Variants in CHCHD3 observed in about 807,000 individuals in gnomAD.
The protein encoded by CHCHD3 is MICOS complex subunit MIC19.
A neutral mutation model predicts 38.2 loss-of-function variants in CHCHD3; 20 were observed. That is an observed-to-expected ratio of 0.52 (90% CI 0.37 to 0.76). CHCHD3 has a LOEUF of 0.76. Among genes scored for constraint, CHCHD3 ranks in the 30% least tolerant of loss-of-function variants. The pLI is 0.00. For missense variants in CHCHD3, 245 were observed against 279.2 expected, an observed-to-expected ratio of 0.88 and a Z score of 0.87; for synonymous variants, 82 against 100.0, an observed-to-expected ratio of 0.82 and a Z score of 1.07.
chr7:132,938,210 T>C (rs950810228), intron 4 of CHCHD3, among the ~76,000 whole-genome samples: 1 of 152,192 alleles, frequency 6.6e-6, no homozygotes, highest in Non-Finnish European at 1.5e-5. Flanking sequence ...CATTATACCA[T>C]ATAATGCTCA....
intron 4 of CHCHD3, among the ~76,000 whole-genome samples, chr7:132,949,319 T>A (rs930313716): frequency 6.6e-6 from 1 of 152,068 alleles, no homozygotes; most frequent in Non-Finnish European, 1.5e-5. Context: ...CCAGGACTCA[T>A]CTTAAAAGAG....
intron 6 of CHCHD3, among the ~76,000 whole-genome samples, chr7:132,821,784 C>G (rs1443558464): frequency 8.4e-6 from 1 of 118,592 alleles, no homozygotes; most frequent in South Asian, 2.7e-4. Context: ...GAGACGGAGT[C>G]TCGCTCTGTC....
chr7:132,817,319 A>G (rs183927572), intron 6 of CHCHD3, among the ~76,000 whole-genome samples: 1 of 152,184 alleles, frequency 6.6e-6, no homozygotes, highest in Admixed American at 6.5e-5. Flanking sequence ...TTCCTTGAAT[A>G]TTAAGATGCA....
At position 132,919,100 on chromosome 7, in the gene CHCHD3, C is replaced by CTTTTTTTTTT. The variant is rs5887600; in HGVS notation, c.370-33365_370-33356dup. ...CTAATCCTATATAGTTGGGTTTATT[C>CTTTTTTTTTT]TTTTTTTTTTTTTTTTTTTTTTTTT... On this transcript the variant is annotated intron_variant, in intron 4 of 7. Transcript: ENST00000262570. Among the ~76,000 whole-genome samples, 123 of 69,504 alleles carry CTTTTTTTTTT rather than the reference C, an allele frequency of 1.8e-3. 15 individuals carry two copies. In the East Asian group the frequency reaches 0.024, roughly 14 times the overall value. 45.6% of individuals were successfully genotyped at this position (69,504 alleles called of 152,430 possible). A position where few individuals can be genotyped will look rare whatever the true frequency, so the allele number is the denominator to read the frequency against.
intron 6 of CHCHD3, among the ~76,000 whole-genome samples, chr7:132,831,927 A>G (rs1235666720): frequency 6.6e-6 from 1 of 152,198 alleles, no homozygotes; most frequent in Admixed American, 6.5e-5. Flanking sequence ...GTGTAATTAT[A>G]CAGAACATGA....
At chr7:132,861,510 C>T (rs779660176) in intron 5 of CHCHD3, among the ~76,000 whole-genome samples, 2 of 152,178 alleles carry the variant, frequency 1.3e-5, no homozygotes, top group Non-Finnish European at 2.9e-5. Context: ...CCTGTGTCCC[C>T]AGCCCATGTC....
intron 2 of CHCHD3, among the ~76,000 whole-genome samples, chr7:133,030,087 T>C (rs994030391): frequency 1.3e-5 from 2 of 149,970 alleles, no homozygotes; most frequent in East Asian, 1.9e-4. Flanking sequence ...TAGCTACAAA[T>C]GAGAAGTTAA....
Position 132,788,506 on chromosome 7 carries a change from G to C in CHCHD3, c.661-2846C>G, listed in dbSNP as rs1806380659. On this transcript the variant is annotated intron_variant, in intron 7 of 7. Coordinates refer to ENST00000262570, the MANE Select transcript of CHCHD3 (RefSeq NM_017812.4). This position sits in a 1 kb window ranked among gnomAD's most constrained non-coding sequence, Gnocchi z 4.0. The stretch of plus-strand genomic sequence containing the variant: ...CAACTTAAGGAAAGCAACAGTTAAA[G>C]AGTGTTTTCACGAGTCTAGAGATTG... 6.6e-6 allele frequency among the ~76,000 whole-genome samples: 1 copy of C among 152,168 alleles called. No individual in the cohort carries two copies. The highest frequency in any genetic ancestry group is 2.1e-4 in the South Asian group (1 of 4,826).
intron 3 of CHCHD3, among the ~76,000 whole-genome samples, chr7:132,983,678 TA>T (rs1811980383): frequency 6.6e-6 from 1 of 152,110 alleles, no homozygotes; most frequent in Non-Finnish European, 1.5e-5. Context: ...ATGGGACCCA[TA>T]CAAAGTGTCA....
At chr7:132,796,320 A>G (rs1054165919) in intron 7 of CHCHD3, 122 bp downstream of exon 7, 1 of 1,040,648 alleles carries the variant, frequency 9.6e-7, no homozygotes, top group African/African-American at 1.6e-5. Flanking sequence ...ATTCTTGATG[A>G]TGATGACTAG....
At chr7:133,071,588 T>C (rs1425941747) in intron 1 of CHCHD3, among the ~76,000 whole-genome samples, 2 of 152,176 alleles carry the variant, frequency 1.3e-5, no homozygotes, top group Non-Finnish European at 2.9e-5. Context: ...GCAGGATCCC[T>C]GAAGGAGGCT....
chr7:132,977,629 T>C (rs1368477927), intron 3 of CHCHD3, among the ~76,000 whole-genome samples: 1 of 152,240 alleles, frequency 6.6e-6, no homozygotes, highest in Non-Finnish European at 1.5e-5. Context: ...TACTAAGCAC[T>C]GTGCTAGGCA....
intron 4 of CHCHD3, among the ~76,000 whole-genome samples, chr7:132,937,029 C>T (rs550576805): frequency 8.5e-5 from 13 of 152,260 alleles, no homozygotes; most frequent in African/African-American, 2.9e-4. Flanking sequence ...AAAGCCAAGA[C>T]CTGTGATTTT....
chr7:133,030,739 T>C (rs772570807), intron 2 of CHCHD3, among the ~76,000 whole-genome samples: 26 of 152,242 alleles, frequency 1.7e-4, no homozygotes, highest in Non-Finnish European at 3.4e-4. Context: ...CATTTTAATT[T>C]CTTTCTCAAT....
chr7:132,870,336 C>T (rs1034865440), intron 5 of CHCHD3, among the ~76,000 whole-genome samples: 9 of 130,144 alleles, frequency 6.9e-5, no homozygotes, highest in African/African-American at 2.6e-4. Context: ...GGTGACACTG[C>T]GAGACCTATC....
At chr7:133,031,381 T>G (rs560489380) in intron 2 of CHCHD3, among the ~76,000 whole-genome samples, 12 of 152,220 alleles carry the variant, frequency 7.9e-5, no homozygotes, top group Non-Finnish European at 1.0e-4. Flanking sequence ...TCATCAACCA[T>G]GAAAAACAGA....
At chr7:133,019,093 G>C (rs1256562473) in intron 3 of CHCHD3, among the ~76,000 whole-genome samples, 1 of 151,744 alleles carries the variant, frequency 6.6e-6, no homozygotes. Context: ...ATGTTGGTCA[G>C]GCTGGTCTCA....
chr7:132,995,809 A>G (rs931844724), intron 3 of CHCHD3, among the ~76,000 whole-genome samples: 7 of 152,222 alleles, frequency 4.6e-5, no homozygotes, highest in Non-Finnish European at 1.0e-4. Context: ...ATTTTAACAT[A>G]CAAATTATAC....
chr7:132,920,997 G>A (rs1810246508), intron 4 of CHCHD3, among the ~76,000 whole-genome samples: 1 of 152,038 alleles, frequency 6.6e-6, no homozygotes, highest in Admixed American at 6.6e-5. Context: ...GTACAGTAAC[G>A]GGCATTGCTT....
Sources: allele counts gnomAD v4.1 joint callset (sites outside exome capture counted in the v4.1 genomes callset), GRCh38; gene constraint gnomAD v4.1.1; non-coding constraint Gnocchi (gnomAD v3.1); transcripts MANE v1.5; gene names NCBI Gene and HGNC (gene_info 2026-07-23, HGNC 2026-07-21).